RMP64: variants seen among roughly 807,000 people sequenced by gnomAD.
RMP64 encodes the protein ribonuclease MRP subunit p64.
chr3:113,015,286 G>A, the RMP64 span, among the ~76,000 whole-genome samples: 1 of 152,102 alleles, frequency 6.6e-6, no homozygotes, highest in Non-Finnish European at 1.5e-5. Flanking sequence ...ACTGGATTAT[G>A]GTGGTAAACA....
At chr3:113,011,011 T>C in the RMP64 span, 1 of 1,534,782 alleles carries the variant, frequency 6.5e-7, no homozygotes, top group African/African-American at 1.4e-5. Context: ...GTTTTTTGTT[T>C]TACTAGAGTA....
At chr3:113,006,979 G>C in the RMP64 span, among the ~76,000 whole-genome samples, 11 of 152,086 alleles carry the variant, frequency 7.2e-5, no homozygotes, top group African/African-American at 2.4e-4. Context: ...AGCAAAACAG[G>C]GCAATCTATG....
At chr3:113,003,734 T>C in the RMP64 span, 1 of 152,218 alleles carries the variant, frequency 6.6e-6, no homozygotes, top group Non-Finnish European at 1.5e-5. Flanking sequence ...CCAAAGTTTA[T>C]TTCAGCTATA....
chr3:113,008,255 T>C, the RMP64 span: 1 of 1,614,174 alleles, frequency 6.2e-7, no homozygotes, highest in African/African-American at 1.3e-5. Context: ...CTTGAGTTTT[T>C]TGCTCCTGCA....
the RMP64 span, chr3:113,004,572 A>C: frequency 6.6e-6 from 1 of 152,252 alleles, no homozygotes; most frequent in East Asian, 1.9e-4. Flanking sequence ...AGTTAAGGGC[A>C]CTAGAGAAGC....
At chr3:113,019,628 G>C in the RMP64 span, 34 of 1,613,422 alleles carry the variant, frequency 2.1e-5, 1 homozygote, top group South Asian at 3.7e-4. Context: ...CTCCAGGCCC[G>C]GCGGCACCGC....
At chr3:113,006,142 T>A in the RMP64 span, 1 of 642,068 alleles carries the variant, frequency 1.6e-6, no homozygotes, top group Non-Finnish European at 2.7e-6. Flanking sequence ...CAGAACCACA[T>A]CGAAAAATTT....
At chr3:113,006,829 G>A in the RMP64 span, among the ~76,000 whole-genome samples, 1 of 152,150 alleles carries the variant, frequency 6.6e-6, no homozygotes, top group African/African-American at 2.4e-5. Context: ...CAGAGGGCCT[G>A]AACTGAGTTC....
the RMP64 span, among the ~76,000 whole-genome samples, chr3:113,010,187 T>C: frequency 6.6e-6 from 1 of 152,178 alleles, no homozygotes; most frequent in Non-Finnish European, 1.5e-5. Flanking sequence ...ATGCTTACCA[T>C]ACTCCAGACT....
At chr3:113,016,237 G>T in the RMP64 span, among the ~76,000 whole-genome samples, 1 of 152,202 alleles carries the variant, frequency 6.6e-6, no homozygotes, top group Non-Finnish European at 1.5e-5. Flanking sequence ...AATCAAAGTT[G>T]TGTTTTCAGA....
chr3:113,006,538 T>C, the RMP64 span, among the ~76,000 whole-genome samples: 1 of 152,234 alleles, frequency 6.6e-6, no homozygotes, highest in Non-Finnish European at 1.5e-5. Context: ...ATGATTCATA[T>C]GTCATCTTCA....
At chr3:113,008,135 AAAAGT>A in the RMP64 span, 13 of 1,586,464 alleles carry the variant, frequency 8.2e-6, no homozygotes, top group East Asian at 2.2e-4. Flanking sequence ...CAACAACAGA[AAAAGT>A]AAAGTAACAT....
the RMP64 span, among the ~76,000 whole-genome samples, chr3:113,006,999 T>G: frequency 1.9e-4 from 29 of 152,338 alleles, 1 homozygote; most frequent in South Asian, 5.6e-3. Context: ...GAAGGAGCAC[T>G]ATATCTGGGG....
chr3:113,014,069 T>C, the RMP64 span: 9 of 1,297,230 alleles, frequency 6.9e-6, no homozygotes, highest in African/African-American at 1.5e-5. Context: ...CATGTGTATG[T>C]AATGCAGACA....
the RMP64 span, among the ~76,000 whole-genome samples, chr3:113,010,107 T>C: frequency 1.3e-5 from 2 of 152,108 alleles, no homozygotes; most frequent in African/African-American, 2.4e-5. Flanking sequence ...AGTAAAGGAA[T>C]AGCTTCATGA....
the RMP64 span, chr3:113,004,769 T>A: frequency 6.6e-6 from 1 of 152,266 alleles, no homozygotes; most frequent in South Asian, 2.1e-4. Flanking sequence ...CTACTTTGTA[T>A]CTCCTAACCT....
chr3:113,015,805 C>T, the RMP64 span, among the ~76,000 whole-genome samples: 6 of 145,564 alleles, frequency 4.1e-5, no homozygotes, highest in Non-Finnish European at 6.0e-5. Flanking sequence ...TACCATGACA[C>T]AGACTATATT....
the RMP64 span, chr3:113,010,681 T>G: frequency 1.2e-6 from 2 of 1,613,578 alleles, no homozygotes; most frequent in East Asian, 2.2e-5. Flanking sequence ...CAGAAAGCCC[T>G]CACATCAAAT....
chr3:113,005,215 TAGTA>T, the RMP64 span: 2 of 325,648 alleles, frequency 6.1e-6, no homozygotes, highest in Non-Finnish European at 1.2e-5. Flanking sequence ...TTAAATTGCC[TAGTA>T]AGTCATAAAA....
Sources: allele counts gnomAD v4.1 joint callset (sites outside exome capture counted in the v4.1 genomes callset), GRCh38; gene constraint gnomAD v4.1.1; transcripts MANE v1.5; gene names NCBI Gene and HGNC (gene_info 2026-07-23, HGNC 2026-07-21).